Variants in APCDD1 observed in about 807,000 individuals in gnomAD.
APCDD1 encodes the protein APC down-regulated 1, also known as protein APCDD1.
In APCDD1, 15 loss-of-function variants were observed where a neutral mutation model predicts 38.1. The ratio of observed to expected loss-of-function variants is 0.39; its 90% confidence interval spans 0.26 to 0.61. APCDD1 has a LOEUF of 0.61. APCDD1 is among the 20% of genes least tolerant of loss of function. The probability of loss-of-function intolerance (pLI) is 0.49; values close to 1 mark genes in which losing one functional copy is unlikely to be tolerated. For synonymous variants in APCDD1, 261 were observed against 279.7 expected (o/e 0.93, Z 0.67); for missense variants, 647 against 696.2 (o/e 0.93, Z 0.79).
At chr18:10,459,594 T>C (rs1598394197) in intron 1 of APCDD1, among the ~76,000 whole-genome samples, 1 of 152,146 alleles carries the variant, frequency 6.6e-6, no homozygotes. Context: ...GCAGCAAGCT[T>C]ACTGCAAAAA....
intron 1 of APCDD1, among the ~76,000 whole-genome samples, chr18:10,465,061 G>A (rs2030672874): frequency 2.0e-5 from 3 of 152,210 alleles, no homozygotes; most frequent in Non-Finnish European, 4.4e-5. Context: ...CTTCATAACT[G>A]ACGAGTAGAC....
chr18:10,456,391 T>C (rs2030381778), intron 1 of APCDD1, among the ~76,000 whole-genome samples: 1 of 151,890 alleles, frequency 6.6e-6, no homozygotes, highest in Non-Finnish European at 1.5e-5. Flanking sequence ...TCAGAGCCAA[T>C]GAACAGATCA....
At chr18:10,468,432 T>C in intron 1 of APCDD1, 37 bp from the exon 2 acceptor site, 3 of 1,612,226 alleles carry the variant, frequency 1.9e-6, no homozygotes, top group Non-Finnish European at 2.5e-6. Context: ...CTGCTGCTAC[T>C]TCTTCTTTTG....
Position 10,475,799 on chromosome 18 carries a change from G to GA in APCDD1, c.774+3738_774+3739insA, listed in dbSNP as rs994156564. ...CTGCCTCGCAAGATGGCTGAGGGGG[G>GA]GGGGGGTCAGTGGAAGGCCGAGTGG... On this transcript the variant is annotated intron_variant, in intron 3 of 4. Coordinates refer to ENST00000355285, the MANE Select transcript of APCDD1 (RefSeq NM_153000.5). The surrounding 1 kb of genome is among the most constrained non-coding windows in gnomAD (Gnocchi z 4.0). The GA allele has an allele frequency of 1.3e-5, 2 of 151,966 alleles. No individual in the cohort carries two copies. The highest frequency in any genetic ancestry group is 4.9e-5 in the African/African-American group (2 of 41,166). The allele number at this position is 151,966 out of a possible 1,614,324, so 9.4% of individuals were successfully genotyped here.
chr18:10,484,738 G>A (rs1023252003), intron 3 of APCDD1, among the ~76,000 whole-genome samples: 1 of 152,162 alleles, frequency 6.6e-6, no homozygotes, highest in Non-Finnish European at 1.5e-5. Context: ...CTATTGTAGC[G>A]GGTGTCAGAA....
Position 10,470,719 on chromosome 18 carries a change from C to G in APCDD1, c.243-811C>G, listed in dbSNP as rs554450457. ...GGCTTTAAGTACCTCCCCGTACCCC[C>G]ATTGCAGCCTCAGCTAGTATATGTG... is the stretch of plus-strand genomic sequence containing the variant. On this transcript the variant is annotated intron_variant, in intron 2 of 4. Coordinates refer to ENST00000355285, the MANE Select transcript of APCDD1 (RefSeq NM_153000.5). This position sits in a 1 kb window ranked among gnomAD's most constrained non-coding sequence, Gnocchi z 4.1. Among the ~76,000 whole-genome samples the G allele has an allele frequency of 2.0e-5, 3 of 152,340 alleles. No homozygotes were observed. Among genetic ancestry groups the G allele is most frequent in the African/African-American group, 7.2e-5 (3 of 41,570 alleles).
chr18:10,484,584 C>A (rs1374585776), intron 3 of APCDD1, among the ~76,000 whole-genome samples: 2 of 152,012 alleles, frequency 1.3e-5, no homozygotes, highest in African/African-American at 4.8e-5. Flanking sequence ...ACTCCTTGTC[C>A]CCCCCTTCCA....
At position 10,472,397 on chromosome 18, in the gene APCDD1, C is replaced by T. The variant is rs1424323776; in HGVS notation, c.774+336C>T. ...ATCCCAGGAACCTCTTCAGTGATTC[C>T]AAGAGGACAGTGTGAAGGCGATGTC... On this transcript the variant is annotated intron_variant, in intron 3 of 4. Coordinates refer to ENST00000355285, the MANE Select transcript of APCDD1 (RefSeq NM_153000.5). The surrounding 1 kb of genome is among the most constrained non-coding windows in gnomAD (Gnocchi z 6.6). Among the ~76,000 whole-genome samples the T allele has an allele frequency of 6.6e-6, 1 of 152,136 alleles. No individual in the cohort carries two copies. The highest frequency in any genetic ancestry group is 2.4e-5 in the African/African-American group (1 of 41,412).
rs150728546 is a variant in APCDD1 at position 10,487,663 on chromosome 18, C to T, written c.1170C>T (p.Cys390=). 8.7e-6 allele frequency: 14 copies of T among 1,614,046 alleles called. No homozygotes were observed. Among genetic ancestry groups the T allele is most frequent in the African/African-American group, 4.0e-5 (3 of 74,926 alleles). ...TCAACGTCTTCAACGGGAATGAGTG[C>T]GGGGCCGAGGGCTCCTGGCAGGTGG... The part of the protein sequence containing the change: ...SLLNVFNGNE[C]GAEGSWQVGI... Residue 390 remains cysteine (C), a synonymous_variant, in exon 5 of 5, where the codon TGC becomes TGT. Coordinates refer to ENST00000355285, the MANE Select transcript of APCDD1 (RefSeq NM_153000.5).
chr18:10,482,944 A>G (rs980743986), intron 3 of APCDD1, among the ~76,000 whole-genome samples: 2 of 152,224 alleles, frequency 1.3e-5, no homozygotes, highest in African/African-American at 4.8e-5. Context: ...CTTAAGGTGC[A>G]TTTGAAAGAT....
At chr18:10,479,726 C>T (rs1436388299) in intron 3 of APCDD1, among the ~76,000 whole-genome samples, 5 of 152,044 alleles carry the variant, frequency 3.3e-5, no homozygotes, top group Non-Finnish European at 4.4e-5. Flanking sequence ...GTAAAATGTA[C>T]CCATGGTCTC....
At chr18:10,465,848 C>T (rs992538972) in intron 1 of APCDD1, among the ~76,000 whole-genome samples, 3 of 152,230 alleles carry the variant, frequency 2.0e-5, no homozygotes, top group African/African-American at 7.2e-5. Context: ...TACATCTTAA[C>T]ACTGCTTGAT....
In APCDD1 at chr18:10,475,671, A is replaced by G. The variant is rs1235699862; in HGVS notation, c.774+3610A>G. Among the ~76,000 whole-genome samples the G allele has an allele frequency of 6.6e-6, 1 of 151,686 alleles. No individual in the cohort carries two copies. The highest frequency in any genetic ancestry group is 2.4e-5 in the African/African-American group (1 of 41,290). On this transcript the variant is annotated intron_variant, in intron 3 of 4. Transcript: ENST00000355285. This position sits in a 1 kb window ranked among gnomAD's most constrained non-coding sequence, Gnocchi z 4.0. Reference sequence around the variant, plus strand: ...CACAGAAAATTTAGATTAAAAAAAAAAAAAAGCAAGCAAACACTCCCAGAC... The same window carrying G: ...CACAGAAAATTTAGATTAAAAAAAAGAAAAAGCAAGCAAACACTCCCAGAC...
In APCDD1 at chr18:10,466,014, T is replaced by C. The variant is rs547854717; in HGVS notation, c.59-2455T>C. Among the ~76,000 whole-genome samples the C allele has an allele frequency of 4.1e-4, 63 of 152,308 alleles. 1 individual carries two copies. The South Asian group carries it at 6.0e-3, about 15-fold the overall frequency. Reference sequence around the variant, plus strand: ...GTGTAGAGGTTTACAAATCAAGTTTTAGAAGATAGCTTGGTTGATACTGAG... The same window carrying C: ...GTGTAGAGGTTTACAAATCAAGTTTCAGAAGATAGCTTGGTTGATACTGAG... On this transcript the variant is annotated intron_variant, in intron 1 of 4. Transcript: ENST00000355285.
At chr18:10,483,310 C>T (rs1337799318) in intron 3 of APCDD1, among the ~76,000 whole-genome samples, 3 of 152,200 alleles carry the variant, frequency 2.0e-5, no homozygotes, top group East Asian at 1.9e-4. Context: ...GCAGTTTCTC[C>T]GTGTGCCCCT....
chr18:10,461,967 G>A (rs974037716), intron 1 of APCDD1, among the ~76,000 whole-genome samples: 14 of 152,172 alleles, frequency 9.2e-5, no homozygotes, highest in African/African-American at 3.4e-4. Context: ...GTTGTTACGT[G>A]TTCATTCCAA....
chr18:10,465,480 G>T (rs901675411), intron 1 of APCDD1, among the ~76,000 whole-genome samples: 2 of 152,224 alleles, frequency 1.3e-5, no homozygotes, highest in Non-Finnish European at 2.9e-5. Flanking sequence ...TTCTAATAGA[G>T]CAGTGGAGTG....
At chr18:10,466,684 C>T (rs1280675432) in intron 1 of APCDD1, among the ~76,000 whole-genome samples, 1 of 152,138 alleles carries the variant, frequency 6.6e-6, no homozygotes, top group Non-Finnish European at 1.5e-5. Context: ...GTGGAGATGC[C>T]TTGCCTCAAT....
rs765531330 is a variant in APCDD1, at chr18:10,487,590, T to C, written c.1097T>C (p.Val366Ala). The change falls in exon 5 of 5, where the codon GTG becomes GCG. Residue 366 changes from valine (V) to alanine (A), a missense_variant and splice_region_variant. Coordinates refer to ENST00000355285, the MANE Select transcript of APCDD1 (RefSeq NM_153000.5). ...VMGGTEFVFK[V>A]NHMKVTPMDA... ...TGGAACTCTCCTTTCTCCTTTGCAG[T>C]GAATCACATGAAGGTCACCCCCATG... The C allele has an allele frequency of 2.7e-5, 44 of 1,613,878 alleles. 1 individual carries two copies. The Admixed American group carries it at 7.2e-4, about 26-fold the overall frequency.
Sources: allele counts gnomAD v4.1 joint callset (sites outside exome capture counted in the v4.1 genomes callset), GRCh38; gene constraint gnomAD v4.1.1; non-coding constraint Gnocchi (gnomAD v3.1); transcripts MANE v1.5; gene names NCBI Gene and HGNC (gene_info 2026-07-23, HGNC 2026-07-21).